The following JADE1 variants were observed in gnomAD, a reference collection of about 807,000 sequenced individuals.
JADE1 encodes the protein protein Jade-1.
A neutral mutation model predicts 81.8 loss-of-function variants in JADE1; 14 were observed. That is an observed-to-expected ratio of 0.17 (90% CI 0.11 to 0.27). The LOEUF is 0.27. Among genes scored for constraint, JADE1 ranks in the 10% least tolerant of loss-of-function variants. The pLI is 1.00. For synonymous variants in JADE1, 353 were observed against 391.9 expected (o/e 0.90, Z 1.17); for missense variants, 690 against 1,047.9 (o/e 0.66, Z 4.71).
At chr4:128,849,810 G>A (rs536633145) in intron 5 of JADE1, among the ~76,000 whole-genome samples, 11 of 152,220 alleles carry the variant, frequency 7.2e-5, no homozygotes, top group East Asian at 1.9e-4. Context: ...CTGGGATGGC[G>A]TATAGGTCTC....
chr4:128,859,066 T>G (rs1374677588), intron 8 of JADE1, among the ~76,000 whole-genome samples: 1 of 152,174 alleles, frequency 6.6e-6, no homozygotes, highest in African/African-American at 2.4e-5. Flanking sequence ...GGAGATATTT[T>G]TGGCATGTGA....
chr4:128,873,104 A>G lies in JADE1; in HGVS notation c.*842A>G, dbSNP rs1193858769. On this transcript the variant is annotated 3_prime_UTR_variant, in exon 11 of 11. Transcript: ENST00000226319. ...TGGGATTTCCCTGGCCATTGCCAATACCTGGCCATCTGGCTTCCAATAGTA... is the reference window on the plus strand; with the variant it reads ...TGGGATTTCCCTGGCCATTGCCAATGCCTGGCCATCTGGCTTCCAATAGTA... The G allele has an allele frequency of 3.1e-6, 1 of 320,350 alleles. No homozygotes were observed. The highest frequency in any genetic ancestry group is 6.4e-6 in the Non-Finnish European group (1 of 157,280). 19.8% of individuals were successfully genotyped at this position (320,350 alleles called of 1,614,324 possible).
intron 3 of JADE1, among the ~76,000 whole-genome samples, chr4:128,845,745 A>T (rs1173381787): frequency 1.3e-5 from 2 of 152,062 alleles, no homozygotes; most frequent in African/African-American, 2.4e-5. Flanking sequence ...CAACATGATG[A>T]AACCCTGTTT....
At chr4:128,812,061 T>G (rs1208156237) in intron 1 of JADE1, 5 of 151,288 alleles carry the variant, frequency 3.3e-5, no homozygotes, top group African/African-American at 1.2e-4. Flanking sequence ...GAGCGTTTGA[T>G]TTGCAACTGG....
intron 3 of JADE1, among the ~76,000 whole-genome samples, chr4:128,845,936 A>AG (rs1269847267): frequency 6.6e-6 from 1 of 151,726 alleles, no homozygotes; most frequent in East Asian, 1.9e-4. Context: ...AAAAAAAAAA[A>AG]AGGAGATGAG....
intron 2 of JADE1, among the ~76,000 whole-genome samples, chr4:128,833,642 C>T (rs142018395): frequency 0.023 from 3,489 of 152,174 alleles, 113 homozygotes; most frequent in African/African-American, 0.076. Flanking sequence ...TGCAGTGAGC[C>T]GAGATCGTGG....
intron 1 of JADE1, among the ~76,000 whole-genome samples, chr4:128,823,283 T>C (rs907797929): frequency 7.9e-5 from 12 of 152,298 alleles, no homozygotes; most frequent in Non-Finnish European, 8.8e-5. Flanking sequence ...TATTTATACA[T>C]TGGCAAATGA....
rs116792807 is a variant in JADE1, at chr4:128,870,984, G to A, written c.1622-371G>A. Among the ~76,000 whole-genome samples, 1,510 of 152,280 alleles carry A rather than the reference G, an allele frequency of 9.9e-3. 27 individuals are homozygous for A. The highest frequency in any genetic ancestry group is 0.035 in the African/African-American group (1,453 of 41,546). On this transcript the variant is annotated intron_variant, in intron 10 of 10. Transcript: ENST00000226319. ...AGACTGGACCGTGGAGGAGCGCGGC[G>A]CAGGTGCTGCTCTGTAACCAGGTAG... is the stretch of plus-strand genomic sequence containing the variant.
At chr4:128,827,742 A>T in intron 1 of JADE1, 1 of 238,166 alleles carries the variant, frequency 4.2e-6, no homozygotes, top group Non-Finnish European at 6.8e-6. Flanking sequence ...ATAGGTGTTT[A>T]AAGCTTTCTA....
At chr4:128,850,719 G>A (rs957962104) in intron 5 of JADE1, among the ~76,000 whole-genome samples, 1 of 152,206 alleles carries the variant, frequency 6.6e-6, no homozygotes, top group African/African-American at 2.4e-5. Flanking sequence ...ATAAAGACCA[G>A]TGTAATACAC....
At chr4:128,817,051 G>T (rs1198217604) in intron 1 of JADE1, among the ~76,000 whole-genome samples, 1 of 151,972 alleles carries the variant, frequency 6.6e-6, no homozygotes, top group African/African-American at 2.4e-5. Context: ...TAGAGACGGG[G>T]TTTTACCATG....
At chr4:128,839,756 G>A (rs1197277942) in intron 2 of JADE1, among the ~76,000 whole-genome samples, 1 of 152,088 alleles carries the variant, frequency 6.6e-6, no homozygotes, top group African/African-American at 2.4e-5. Flanking sequence ...TTGCTGGATG[G>A]TGTTCCACTG....
intron 1 of JADE1, among the ~76,000 whole-genome samples, chr4:128,815,636 T>C (rs1054802123): frequency 2.6e-5 from 4 of 152,320 alleles, no homozygotes; most frequent in African/African-American, 9.6e-5. Flanking sequence ...CATCAAGATA[T>C]CAAATACAGA....
At chr4:128,810,199 A>G (rs993721591) in intron 1 of JADE1, 6 of 151,986 alleles carry the variant, frequency 3.9e-5, no homozygotes. Context: ...CAGCGTTACT[A>G]TCCCACCAGT....
chr4:128,810,418 G>A (rs1037664369), intron 1 of JADE1: 1 of 146,962 alleles, frequency 6.8e-6, no homozygotes, highest in African/African-American at 2.5e-5. Context: ...TTTAGGAGCA[G>A]AAGCCCAGTT....
At chr4:128,870,033 G>C (rs1732073287) in intron 10 of JADE1, among the ~76,000 whole-genome samples, 1 of 152,158 alleles carries the variant, frequency 6.6e-6, no homozygotes, top group African/African-American at 2.4e-5. Context: ...AGTGCTTATG[G>C]GGGGTGGGAG....
chr4:128,847,109 G>A (rs17013807), intron 4 of JADE1, among the ~76,000 whole-genome samples: 3,637 of 152,230 alleles, frequency 0.024, 116 homozygotes, highest in African/African-American at 0.074. Context: ...TTATCTTTAA[G>A]GATCCCTCAG....
chr4:128,851,273 G>A (rs1371253697), intron 5 of JADE1, among the ~76,000 whole-genome samples: 2 of 152,222 alleles, frequency 1.3e-5, no homozygotes, highest in African/African-American at 4.8e-5. Context: ...GTAGAAGTAA[G>A]AGGATGAGGA....
At chr4:128,853,023 G>C (rs1039923310) in intron 6 of JADE1, among the ~76,000 whole-genome samples, 15 of 151,768 alleles carry the variant, frequency 9.9e-5, no homozygotes, top group African/African-American at 3.6e-4. Flanking sequence ...CGCCTCCCGA[G>C]TAGCTGGGAC....
Sources: gnomAD v4.1 joint callset for allele counts (sites outside exome capture counted in the v4.1 genomes callset) on GRCh38, gnomAD v4.1.1 for gene constraint, MANE v1.5 for transcripts, NCBI Gene and HGNC (gene_info 2026-07-23, HGNC 2026-07-21) for gene names.